EVA1B: variants seen among roughly 807,000 people sequenced by gnomAD.
EVA1B encodes the protein protein eva-1 homolog B.
A neutral mutation model predicts 4.6 loss-of-function variants in EVA1B; 2 were observed. The observed-to-expected ratio is 0.43, with a 90% CI of 0.18 to 1.37. EVA1B has a LOEUF of 1.37. Ranked by LOEUF, EVA1B falls within the 40% of genes most tolerant of loss-of-function variation. The pLI is 0.28. For missense variants in EVA1B, 263 were observed against 240.4 expected (o/e 1.09, Z -0.62); for synonymous variants, 124 against 115.8 (o/e 1.07, Z -0.46).
Position 36,322,474 on chromosome 1 carries a change from G to T in EVA1B, c.319C>A (p.Pro107Thr). ...GPELSAEPDGPLNVNVFTSAE... is the reference protein window; with the variant it reads ...GPELSAEPDGTLNVNVFTSAE... ...GACGTGAAGACGTTGACGTTGAGGG[G>T]CCCGTCCGGCTCTGCGGACAGCTCG... Residue 107 changes from proline to threonine, a missense_variant, in exon 3 of 3, where the codon CCC becomes ACC. By Grantham distance (38) the Pro-to-Thr change is conservative. Transcript: ENST00000490466. 6.2e-7 allele frequency: 1 copy of T among 1,604,408 alleles called. No homozygotes were observed. The highest frequency in any genetic ancestry group is 2.2e-5 in the East Asian group (1 of 44,832).
chr1:36,322,418 C>T lies in EVA1B; in HGVS notation c.375G>A (p.Leu125=), dbSNP rs1570411351. ...CCCGCAGGATCCGTTCGCGCTCCTC[C>T]AGCCGCTGCGCCCGCTCCAGCTCCT... ...SAEELERAQR[L]EERERILREI... is the part of the protein sequence containing the mutation. Residue 125 remains leucine, a synonymous_variant, in exon 3 of 3, where the codon CTG becomes CTA. Coordinates refer to ENST00000490466, the MANE Select transcript of EVA1B (RefSeq NM_001304762.2). 2 of 1,602,178 alleles carry T rather than the reference C, an allele frequency of 1.2e-6. No homozygotes were observed. Among genetic ancestry groups the T allele is most frequent in the East Asian group, 2.2e-5 (1 of 44,838 alleles).
At chr1:36,323,280 G>A (rs915987027) in intron 1 of EVA1B, among the ~76,000 whole-genome samples, 179 bp downstream of exon 1, 1 of 152,074 alleles carries the variant, frequency 6.6e-6, no homozygotes, top group Non-Finnish European at 1.5e-5. Flanking sequence ...GGGGACCGCG[G>A]GAGGCCCCGC....
chr1:36,323,125 C>T, intron 1 of EVA1B, 58 bp from the exon 2 acceptor site: 1 of 1,430,990 alleles, frequency 7.0e-7, no homozygotes, highest in Non-Finnish European at 9.4e-7. Flanking sequence ...CCGACCCCTT[C>T]CGCGGGCAGC....
rs58971913 is a variant in EVA1B at position 36,322,287 on chromosome 1, G to T, written c.*8C>A. On this transcript the variant is annotated 3_prime_UTR_variant, in exon 3 of 3. Coordinates refer to ENST00000490466, the MANE Select transcript of EVA1B (RefSeq NM_001304762.2). The stretch of plus-strand genomic sequence containing the variant: ...CCCCGAGCGCCTTGCAGCGGGAGCC[G>T]GGGCCCATCAGTAATAGTGCATGCG... 15 of 1,495,938 alleles carry T rather than the reference G, an allele frequency of 1.0e-5. No homozygotes were observed. The Admixed American group carries it at 2.0e-4, about 20-fold the overall frequency. The allele number at this position is 1,495,938 out of a possible 1,614,324, so 92.7% of individuals were successfully genotyped here.
intron 2 of EVA1B, 114 bp downstream of exon 2, chr1:36,322,857 A>G (rs1646491263): frequency 6.6e-7 from 1 of 1,508,808 alleles, no homozygotes; most frequent in Non-Finnish European, 9.1e-7. Flanking sequence ...GGGAACCGCC[A>G]GCGGGCAAGA....
Position 36,322,570 on chromosome 1 carries a change from G to A in EVA1B, c.223C>T (p.Pro75Ser). The change falls in exon 3 of 3, where the codon CCC becomes TCC. Residue 75 changes from proline (P) to serine (S), a missense_variant. Coordinates refer to ENST00000490466, the MANE Select transcript of EVA1B (RefSeq NM_001304762.2). ...RRDPRSSTLE[P>S]EDDDEDEEDT... ...TCCTCGTCCTCGTCGTCGTCCTCGG[G>A]CTCCAGGGTGCTGCTGCGGGGGTCC... The A allele has an allele frequency of 6.3e-7, 1 of 1,585,772 alleles. No homozygotes were observed.
rs532193645 is a variant in EVA1B at position 36,322,512 on chromosome 1, G to T, written c.281C>A (p.Thr94Lys). Residue 94 changes from threonine (T) to lysine (K), a missense_variant, in exon 3 of 3, where the codon ACG becomes AAG. Coordinates refer to ENST00000490466, the MANE Select transcript of EVA1B (RefSeq NM_001304762.2). ...DTVTRLGPDDTLPGPELSAEP... is the reference protein window; with the variant it reads ...DTVTRLGPDDKLPGPELSAEP... Reference sequence around the variant, plus strand: ...TGCGGACAGCTCGGGGCCCGGCAGCGTGTCGTCGGGGCCCAGCCGAGTCAC... The same window carrying T: ...TGCGGACAGCTCGGGGCCCGGCAGCTTGTCGTCGGGGCCCAGCCGAGTCAC... 5 of 1,601,466 alleles carry T rather than the reference G, an allele frequency of 3.1e-6. No homozygotes were observed. Among genetic ancestry groups the T allele is most frequent in the Non-Finnish European group, 2.5e-6 (3 of 1,178,508 alleles).
Position 36,323,622 on chromosome 1 carries a change from G to A in EVA1B, c.-194C>T, listed in dbSNP as rs536789062. 3.9e-5 allele frequency: 6 copies of A among 152,152 alleles called. No individual in the cohort carries two copies. Among genetic ancestry groups the A allele is most frequent in the Non-Finnish European group, 8.8e-5 (6 of 67,936 alleles). The allele number at this position is 152,152 out of a possible 1,614,324, so 9.4% of individuals were successfully genotyped here. Reference sequence around the variant, plus strand: ...GACACGGACCGAGGGACCAGCCGGCGGAAAGTTTCCTCCGAGGAAAGAGGA... The same window carrying A: ...GACACGGACCGAGGGACCAGCCGGCAGAAAGTTTCCTCCGAGGAAAGAGGA... On this transcript the variant is annotated 5_prime_UTR_variant, in exon 1 of 3. Coordinates refer to ENST00000490466, the MANE Select transcript of EVA1B (RefSeq NM_001304762.2).
rs1646494189 is a variant in EVA1B, at chr1:36,322,997, C to A, written c.41G>T (p.Ser14Ile). The change falls in exon 2 of 3, where the codon AGC becomes ATC. Residue 14 changes from serine (S) to isoleucine (I), a missense_variant. Physicochemically the swap from Ser to Ile is moderately radical, Grantham distance 142. Coordinates refer to ENST00000490466, the MANE Select transcript of EVA1B (RefSeq NM_001304762.2). ...GCGGATGTGCGCGTAGGCAGCCAGGCTGTTGCTGAGCAACTCCATGTCCCT... is the reference window on the plus strand; with the variant it reads ...GCGGATGTGCGCGTAGGCAGCCAGGATGTTGCTGAGCAACTCCATGTCCCT... ...PRRDMELLSN[S>I]LAAYAHIRAN... 4 of 1,605,498 alleles carry A rather than the reference C, an allele frequency of 2.5e-6. No homozygotes were observed. The highest frequency in any genetic ancestry group is 3.4e-6 in the Non-Finnish European group (4 of 1,177,274).
At chr1:36,323,668 G>GGGCGGGGA (rs914544872), upstream of EVA1B, 3 of 152,064 alleles carry the variant, frequency 2.0e-5, no homozygotes, top group African/African-American at 7.2e-5. Context: ...GGGGCGGGGC[G>GGGCGGGGA]GGCGGGGAGG....
chr1:36,323,045 T>TG lies in EVA1B; in HGVS notation c.-9dup, dbSNP rs1161162781. ...CCTTCGCGGGGCATCCATGCTGCTC[T>TG]GGGGGGCAGCTCCCCTACCAGCCTG... On this transcript the variant is annotated 5_prime_UTR_variant, in exon 2 of 3. Coordinates refer to ENST00000490466, the MANE Select transcript of EVA1B (RefSeq NM_001304762.2). 2.5e-6 allele frequency: 4 copies of TG among 1,599,510 alleles called. No individual in the cohort carries two copies. The highest frequency in any genetic ancestry group is 1.4e-5 in the African/African-American group (1 of 73,738).
intron 2 of EVA1B, 69 bp downstream of exon 2, chr1:36,322,902 G>T: frequency 6.3e-7 from 1 of 1,577,124 alleles, no homozygotes; most frequent in East Asian, 2.2e-5. Flanking sequence ...CGGACAAGGC[G>T]CTGGGGAGGG....
rs756037850 is a variant in EVA1B, at chr1:36,322,701, T to G, written c.92A>C (p.Tyr31Ser). The G allele has an allele frequency of 6.5e-7, 1 of 1,546,306 alleles. No individual in the cohort carries two copies. The highest frequency in any genetic ancestry group is 8.7e-7 in the Non-Finnish European group (1 of 1,146,578). Residue 31 changes from tyrosine to serine, a missense_variant, in exon 3 of 3, where the codon TAC (tyrosine) becomes TCC (serine). Transcript: ENST00000490466. The stretch of plus-strand genomic sequence containing the variant: ...GCCGAAGCAGACGCCCAGCACGAAG[T>G]AGAGGCCGAAGCTCTCGGGGTTGGC... Reference protein sequence around the residue: ...IRANPESFGLYFVLGVCFGLL... With the variant: ...IRANPESFGLSFVLGVCFGLL...
chr1:36,322,574 C>A lies in EVA1B; in HGVS notation c.219G>T (p.Leu73=). ...AQRRDPRSST[L]EPEDDDEDEE... ...CGTCCTCGTCGTCGTCCTCGGGCTC[C>A]AGGGTGCTGCTGCGGGGGTCCCGGC... Residue 73 remains leucine, a synonymous_variant, in exon 3 of 3, where the codon CTG becomes CTT. Coordinates refer to ENST00000490466, the MANE Select transcript of EVA1B (RefSeq NM_001304762.2). The A allele has an allele frequency of 6.3e-7, 1 of 1,584,606 alleles. No individual in the cohort carries two copies. The highest frequency in any genetic ancestry group is 2.3e-5 in the East Asian group (1 of 43,888).
Position 36,322,561 on chromosome 1 carries a change from C to A in EVA1B, c.232G>T (p.Asp78Tyr). Residue 78 changes from aspartate to tyrosine, a missense_variant, in exon 3 of 3, where the codon GAC (aspartate) becomes TAC (tyrosine). By Grantham distance (160) the Asp-to-Tyr change is radical (BLOSUM62 -3). Coordinates refer to ENST00000490466, the MANE Select transcript of EVA1B (RefSeq NM_001304762.2). ...ACCGTGTCCTCCTCGTCCTCGTCGT[C>A]GTCCTCGGGCTCCAGGGTGCTGCTG... ...PRSSTLEPED[D>Y]DEDEEDTVTR... is the part of the protein sequence containing the mutation. 1.3e-6 allele frequency: 2 copies of A among 1,592,308 alleles called. No homozygotes were observed. Among genetic ancestry groups the A allele is most frequent in the South Asian group, 1.1e-5 (1 of 89,726 alleles).
Position 36,322,717 on chromosome 1 carries a change from C to A in EVA1B, c.76G>T (p.Glu26Ter). The change falls in exon 3 of 3, where the codon GAG becomes TAG. Residue 26 changes from glutamate to a stop codon, truncating the protein, a stop_gained. Coordinates refer to ENST00000490466, the MANE Select transcript of EVA1B (RefSeq NM_001304762.2). LOFTEE classifies it low-confidence loss of function (END_TRUNC). ...AGCACGAAGTAGAGGCCGAAGCTCT[C>A]GGGGTTGGCTGCGGGGCACAGGGCG... ...AAYAHIRANP[E>*]SFGLYFVLGV... is the part of the protein sequence containing the mutation. 6.5e-7 allele frequency: 1 copy of A among 1,546,648 alleles called. No homozygotes were observed. The highest frequency in any genetic ancestry group is 2.1e-4 in the Middle Eastern group (1 of 4,794).
Position 36,322,248 on chromosome 1 carries a change from G to A in EVA1B, c.*47C>T, listed in dbSNP as rs1261907565. ...AGGTGTGGGGTAGCTCTGAGCTCAT[G>A]TGCAGGTCCGGTACCCCGAGCGCCT... On this transcript the variant is annotated 3_prime_UTR_variant, in exon 3 of 3. Transcript: ENST00000490466. 1.4e-6 allele frequency: 2 copies of A among 1,448,180 alleles called. No individual in the cohort carries two copies. The highest frequency in any genetic ancestry group is 5.1e-5 in the Admixed American group (2 of 39,548). 89.7% of individuals were successfully genotyped at this position (1,448,180 alleles called of 1,614,324 possible). A position where few individuals can be genotyped will look rare whatever the true frequency, so the allele number is the denominator to read the frequency against.
Position 36,322,545 on chromosome 1 carries a change from T to G in EVA1B, c.248A>C (p.Glu83Ala), listed in dbSNP as rs977555243. ...LEPEDDDEDE[E>A]DTVTRLGPDD... ...GGGGCCCAGCCGAGTCACCGTGTCC[T>G]CCTCGTCCTCGTCGTCGTCCTCGGG... Residue 83 changes from glutamate to alanine, a missense_variant, in exon 3 of 3, where the codon GAG becomes GCG. By Grantham distance (107) the Glu-to-Ala change is moderately radical. Coordinates refer to ENST00000490466, the MANE Select transcript of EVA1B (RefSeq NM_001304762.2). 6.3e-7 allele frequency: 1 copy of G among 1,597,270 alleles called. No homozygotes were observed. The highest frequency in any genetic ancestry group is 1.3e-5 in the African/African-American group (1 of 74,716).
chr1:36,322,573 C>T lies in EVA1B; in HGVS notation c.220G>A (p.Glu74Lys). ...QRRDPRSSTL[E>K]PEDDDEDEED... The stretch of plus-strand genomic sequence containing the variant: ...TCGTCCTCGTCGTCGTCCTCGGGCT[C>T]CAGGGTGCTGCTGCGGGGGTCCCGG... Residue 74 changes from glutamate (E) to lysine (K), a missense_variant, in exon 3 of 3, where the codon GAG becomes AAG. Glu to Lys is a moderately conservative substitution (Grantham distance 56). Transcript: ENST00000490466. 1 of 1,586,128 alleles carries T rather than the reference C, an allele frequency of 6.3e-7. No individual in the cohort carries two copies. The highest frequency in any genetic ancestry group is 8.5e-7 in the Non-Finnish European group (1 of 1,171,014).
Sources: allele counts gnomAD v4.1 joint callset (sites outside exome capture counted in the v4.1 genomes callset), GRCh38; gene constraint gnomAD v4.1.1; transcripts MANE v1.5; gene names NCBI Gene and HGNC (gene_info 2026-07-23, HGNC 2026-07-21).